Variants in CERS6 observed in about 807,000 individuals in gnomAD.
CERS6 encodes LAG1 homolog, ceramide synthase 6.
CERS6 carries 26 observed loss-of-function variants against 56.8 expected under a neutral mutation model. The observed-to-expected ratio is 0.46, with a 90% CI of 0.34 to 0.63. CERS6 has a LOEUF of 0.63. CERS6 is among the 30% of genes least tolerant of loss of function. The pLI is 0.01. For synonymous variants in CERS6, 164 were observed against 173.3 expected (o/e 0.95, Z 0.42); for missense variants, 415 against 467.5 (o/e 0.89, Z 1.04).
At chr2:168,672,618 T>C (rs1254908323) in intron 4 of CERS6, among the ~76,000 whole-genome samples, 5 of 152,212 alleles carry the variant, frequency 3.3e-5, no homozygotes, top group African/African-American at 9.6e-5. Context: ...GAGAAATAAC[T>C]TGAGATCACA....
rs1367318779 is a variant in CERS6, at chr2:168,769,774, A to G, written c.*112A>G. 1 of 1,089,628 alleles carries G rather than the reference A, an allele frequency of 9.2e-7. No individual in the cohort carries two copies. Among genetic ancestry groups the G allele is most frequent in the East Asian group, 2.4e-5 (1 of 41,422 alleles). 67.5% of individuals were successfully genotyped at this position (1,089,628 alleles called of 1,614,324 possible). ...ATCTCAGCACCAGAAACAAAAATTA[A>G]GATTATCAAAGCATTTTGAATAGTG... On this transcript the variant is annotated 3_prime_UTR_variant, in exon 10 of 10. Coordinates refer to ENST00000305747, the MANE Select transcript of CERS6 (RefSeq NM_203463.3).
intron 8 of CERS6, among the ~76,000 whole-genome samples, chr2:168,735,456 T>C (rs915148770): frequency 3.3e-5 from 5 of 152,202 alleles, no homozygotes; most frequent in Admixed American, 2.6e-4. Context: ...CTGTTTCTTC[T>C]GTTTAGATTG....
chr2:168,474,615 A>C (rs957971236), intron 1 of CERS6, among the ~76,000 whole-genome samples: 3 of 151,688 alleles, frequency 2.0e-5, no homozygotes, highest in African/African-American at 7.2e-5. Flanking sequence ...TAGGAAGGAA[A>C]TTTAATAATA....
intron 1 of CERS6, among the ~76,000 whole-genome samples, chr2:168,472,999 A>C (rs1459203491): frequency 2.0e-5 from 3 of 152,184 alleles, no homozygotes; most frequent in Non-Finnish European, 4.4e-5. Flanking sequence ...CATTTGAAAC[A>C]TTATGCTCAC....
At chr2:168,681,147 A>G (rs1686205059) in intron 4 of CERS6, among the ~76,000 whole-genome samples, 1 of 152,220 alleles carries the variant, frequency 6.6e-6, no homozygotes, top group Non-Finnish European at 1.5e-5. Context: ...GTTGATAAGT[A>G]GTAAGGAAGG....
intron 3 of CERS6, among the ~76,000 whole-genome samples, chr2:168,626,175 C>T (rs945997342): frequency 2.6e-5 from 4 of 152,130 alleles, no homozygotes; most frequent in African/African-American, 9.7e-5. Context: ...ATAATAATGC[C>T]TACCTTGTTG....
intron 8 of CERS6, among the ~76,000 whole-genome samples, chr2:168,727,850 A>G (rs533833873): frequency 1.3e-5 from 2 of 152,240 alleles, no homozygotes; most frequent in Non-Finnish European, 2.9e-5. Flanking sequence ...GATTTGAAGG[A>G]TGAAACCTGC....
At chr2:168,762,624 C>G (rs1049216904) in intron 8 of CERS6, among the ~76,000 whole-genome samples, 5 of 152,180 alleles carry the variant, frequency 3.3e-5, no homozygotes, top group Non-Finnish European at 5.9e-5. Flanking sequence ...TATTTTCCCC[C>G]TTCCCCAGAG....
Position 168,769,708 on chromosome 2 carries a change from G to A in CERS6, c.*46G>A. ...CAAGCAAAGTGAACTATTTGTTCCT[G>A]GAAGTATTTAATAAGTTGCAAATGC... On this transcript the variant is annotated 3_prime_UTR_variant, in exon 10 of 10. Transcript: ENST00000305747. 1 of 1,582,830 alleles carries A rather than the reference G, an allele frequency of 6.3e-7. No individual in the cohort carries two copies. The highest frequency in any genetic ancestry group is 1.9e-5 in the Admixed American group (1 of 53,986).
intron 8 of CERS6, among the ~76,000 whole-genome samples, chr2:168,755,713 T>A (rs1409396957): frequency 6.6e-6 from 1 of 152,252 alleles, no homozygotes; most frequent in African/African-American, 2.4e-5. Flanking sequence ...GTGTTTCTGC[T>A]GTAAATAGCC....
intron 4 of CERS6, among the ~76,000 whole-genome samples, chr2:168,634,452 G>T (rs563602604): frequency 1.3e-5 from 2 of 152,024 alleles, no homozygotes; most frequent in African/African-American, 4.8e-5. Flanking sequence ...TCGCTCTGCC[G>T]CCCAGGCTGG....
chr2:168,655,278 T>A lies in CERS6; in HGVS notation c.465+24236T>A, dbSNP rs190263518. Among the ~76,000 whole-genome samples the A allele has an allele frequency of 3.3e-5, 5 of 152,318 alleles. 1 individual carries two copies. The East Asian group carries it at 9.6e-4, about 29-fold the overall frequency. On this transcript the variant is annotated intron_variant, in intron 4 of 9. Transcript: ENST00000305747. Reference sequence around the variant, plus strand: ...GAAAGGGAATTCTAGTACACTGGTTTGGGAATGTAGATTGGTACAGCCATT... The same window carrying A: ...GAAAGGGAATTCTAGTACACTGGTTAGGGAATGTAGATTGGTACAGCCATT...
At chr2:168,552,158 T>G (rs1574060575) in intron 2 of CERS6, among the ~76,000 whole-genome samples, 1 of 152,194 alleles carries the variant, frequency 6.6e-6, no homozygotes, top group Non-Finnish European at 1.5e-5. Context: ...CATTTTTATT[T>G]TATACTTTCC....
chr2:168,587,212 G>A (rs1465715098), intron 3 of CERS6, among the ~76,000 whole-genome samples: 2 of 152,090 alleles, frequency 1.3e-5, no homozygotes, highest in Non-Finnish European at 2.9e-5. Flanking sequence ...AAAATATAAA[G>A]TAAAACAAAA....
rs1435505207 is a variant in CERS6 at position 168,771,943 on chromosome 2, C to T, written c.*2281C>T. 2 of 152,222 alleles carry T rather than the reference C, an allele frequency of 1.3e-5. No homozygotes were observed. The highest frequency in any genetic ancestry group is 4.1e-4 in the South Asian group (2 of 4,832). The allele number at this position is 152,222 out of a possible 1,614,324, so 9.4% of individuals were successfully genotyped here. On this transcript the variant is annotated 3_prime_UTR_variant, in exon 10 of 10. Transcript: ENST00000305747. ...TCTAACTGATGGCATTCACTTCACA[C>T]AGTCGTCTATGTTATCCAGAGATTT...
chr2:168,505,525 A>C (rs1161635849), intron 1 of CERS6, among the ~76,000 whole-genome samples: 3 of 152,172 alleles, frequency 2.0e-5, no homozygotes, highest in Non-Finnish European at 4.4e-5. Flanking sequence ...ATCAGTGATC[A>C]GTGCTGACTT....
intron 3 of CERS6, among the ~76,000 whole-genome samples, chr2:168,575,314 T>C (rs1683234957): frequency 6.6e-6 from 1 of 152,156 alleles, no homozygotes. Flanking sequence ...TTTAATTGAC[T>C]CACAGTTTCT....
chr2:168,466,631 G>A (rs974189947), intron 1 of CERS6, among the ~76,000 whole-genome samples: 5 of 152,098 alleles, frequency 3.3e-5, no homozygotes, highest in Non-Finnish European at 5.9e-5. Context: ...ACTGTTTTCC[G>A]TAATTCATCT....
At chr2:168,715,949 G>A (rs776881065) in intron 7 of CERS6, among the ~76,000 whole-genome samples, 4 of 151,806 alleles carry the variant, frequency 2.6e-5, no homozygotes, top group African/African-American at 9.7e-5. Flanking sequence ...TAGGCCCACC[G>A]TTTTGCTTTA....
Sources: allele counts gnomAD v4.1 joint callset (sites outside exome capture counted in the v4.1 genomes callset), GRCh38; gene constraint gnomAD v4.1.1; transcripts MANE v1.5; gene names NCBI Gene and HGNC (gene_info 2026-07-23, HGNC 2026-07-21).